Variants in FAM13A observed in about 807,000 individuals in gnomAD.
FAM13A encodes protein FAM13A.
In FAM13A, 76 loss-of-function variants were observed where a neutral mutation model predicts 129.6. The ratio of observed to expected loss-of-function variants is 0.59; its 90% confidence interval spans 0.49 to 0.71. The LOEUF is 0.71. Ranked by LOEUF, FAM13A falls within the 30% of genes least tolerant of loss-of-function variation. FAM13A has a pLI of 0.00. For missense variants in FAM13A, 1,108 were observed against 1,249.3 expected (o/e 0.89, Z 1.70); for synonymous variants, 443 against 449.9 (o/e 0.98, Z 0.20).
intron 4 of FAM13A, among the ~76,000 whole-genome samples, chr4:88,975,765 A>G (rs1461687233): frequency 1.3e-5 from 2 of 152,240 alleles, no homozygotes; most frequent in African/African-American, 4.8e-5. Flanking sequence ...CATGGGCCAC[A>G]TCAAGGCAAA....
At chr4:88,913,155 AGGAGGAGGAAGAAGAAGAGGAAGAAGT>A (rs1749395908) in intron 5 of FAM13A, among the ~76,000 whole-genome samples, 1 of 147,462 alleles carries the variant, frequency 6.8e-6, no homozygotes, top group Non-Finnish European at 1.5e-5. Flanking sequence ...GAAGAAGAGG[AGGAGGAGGAAGAAGAAGAGGAAGAAGT>A]GGAGGAGGAA....
intron 2 of FAM13A, among the ~76,000 whole-genome samples, chr4:89,022,966 G>A (rs1018569111): frequency 6.6e-5 from 10 of 152,158 alleles, no homozygotes; most frequent in African/African-American, 2.4e-4. Flanking sequence ...TGAAGCCTTG[G>A]CTGACACCAT....
At chr4:88,850,284 G>A (rs919517840) in intron 7 of FAM13A, among the ~76,000 whole-genome samples, 1 of 152,148 alleles carries the variant, frequency 6.6e-6, no homozygotes, top group Non-Finnish European at 1.5e-5. Context: ...GCCGGGCGTG[G>A]TGGCTCATGC....
intron 3 of FAM13A, 117 bp from the exon 4 acceptor site, chr4:88,991,267 GATA>G: frequency 2.9e-6 from 2 of 691,808 alleles, no homozygotes; most frequent in Non-Finnish European, 4.7e-6. Flanking sequence ...GAGAGACTGA[GATA>G]GGCCTTGTGT....
intron 7 of FAM13A, 151 bp from the exon 8 acceptor site, chr4:88,805,203 G>C (rs1383274083): frequency 1.7e-6 from 1 of 593,820 alleles, no homozygotes; most frequent in Non-Finnish European, 3.0e-6. Context: ...GATCCACCTC[G>C]GACCTAGCCA....
chr4:89,006,921 C>G (rs932312956), intron 3 of FAM13A, among the ~76,000 whole-genome samples: 1 of 152,138 alleles, frequency 6.6e-6, no homozygotes, highest in Non-Finnish European at 1.5e-5. Context: ...CTTCTCCTCT[C>G]GACATTCAAC....
intron 14 of FAM13A, among the ~76,000 whole-genome samples, chr4:88,750,867 C>G (rs1160273450): frequency 6.6e-6 from 1 of 152,186 alleles, no homozygotes; most frequent in Non-Finnish European, 1.5e-5. Context: ...CACTGGCTTT[C>G]CAAAGAGAAT....
In FAM13A at chr4:88,800,798, C is replaced by T. The variant is rs1727304285; in HGVS notation, c.1049+4213G>A. On this transcript the variant is annotated intron_variant, in intron 8 of 23. Transcript: ENST00000264344. ...GTTGTGTCTAAAGACATCCAGATAC[C>T]TAGCTGACTTTATCATCTTGCTAAA... 1.3e-5 allele frequency among the ~76,000 whole-genome samples: 2 copies of T among 151,568 alleles called. 1 individual carries two copies. The highest frequency in any genetic ancestry group is 3.9e-4 in the East Asian group (2 of 5,164).
rs116584477 is a variant in FAM13A at position 88,749,782 on chromosome 4, T to C, written c.2068A>G (p.Lys690Glu). 3.7e-5 allele frequency: 60 copies of C among 1,614,144 alleles called. No homozygotes were observed. The Middle Eastern group carries it at 8.2e-4, about 22-fold the overall frequency. The change falls in exon 16 of 24, where the codon AAG becomes GAG. Residue 690 changes from lysine to glutamate, a missense_variant. By Grantham distance (56) the Lys-to-Glu change is moderately conservative. Coordinates refer to ENST00000264344, the MANE Select transcript of FAM13A (RefSeq NM_014883.4). ...GAGGGGACACTTACTCTGTACTTCT[T>C]CTCTTCTTCGAATCTATCTTCAAAC... is the stretch of plus-strand genomic sequence containing the variant. ...RKFEDRFEEE[K>E]KYRPSHSDKA...
chr4:88,848,306 T>C (rs1241940263), intron 7 of FAM13A, among the ~76,000 whole-genome samples: 2 of 152,218 alleles, frequency 1.3e-5, no homozygotes, highest in African/African-American at 4.8e-5. Context: ...ACACAAGATA[T>C]GGCCAGCTGG....
rs559618489 is a variant in FAM13A at position 88,875,340 on chromosome 4, C to T, written c.844-24157G>A. ...TCTGCAAAGCAAAAGAAACTATCAT[C>T]AGAGTGAACAGGCAACCTACAGAAT... is the stretch of plus-strand genomic sequence containing the variant. On this transcript the variant is annotated intron_variant, in intron 6 of 23. Transcript: ENST00000264344. Among the ~76,000 whole-genome samples, 8 of 152,330 alleles carry T rather than the reference C, an allele frequency of 5.3e-5. No individual in the cohort carries two copies. In the East Asian group the frequency reaches 1.3e-3, roughly 26 times the overall value.
At chr4:89,001,287 A>G (rs1160762236) in intron 3 of FAM13A, among the ~76,000 whole-genome samples, 1 of 152,188 alleles carries the variant, frequency 6.6e-6, no homozygotes, top group Non-Finnish European at 1.5e-5. Flanking sequence ...CTGCCACCAG[A>G]TTTCCAATTT....
chr4:88,868,559 G>C (rs1323611984), intron 6 of FAM13A, among the ~76,000 whole-genome samples: 1 of 152,068 alleles, frequency 6.6e-6, no homozygotes, highest in Non-Finnish European at 1.5e-5. Context: ...AAACTGTTCA[G>C]TGGCTTTTCA....
intron 3 of FAM13A, among the ~76,000 whole-genome samples, chr4:89,003,589 C>CA (rs926726403): frequency 1.9e-4 from 29 of 151,870 alleles, no homozygotes; most frequent in African/African-American, 7.0e-4. Context: ...GCTGGAATCC[C>CA]ACACCACTGC....
rs1278760984 is a variant in FAM13A, at chr4:89,029,540, T to C, written c.137A>G (p.Gln46Arg). 2 of 1,597,646 alleles carry C rather than the reference T, an allele frequency of 1.3e-6. No homozygotes were observed. Among genetic ancestry groups the C allele is most frequent in the South Asian group, 1.1e-5 (1 of 88,296 alleles). Residue 46 changes from glutamine to arginine, a missense_variant, in exon 2 of 24, where the codon CAA becomes CGA. Gln to Arg is a conservative substitution (Grantham distance 43). This residue lies in a region of FAM13A where 566 missense variants were observed against 595.7 expected (regional missense o/e 0.95). Coordinates refer to ENST00000264344, the MANE Select transcript of FAM13A (RefSeq NM_014883.4). The part of the protein sequence containing the change: ...TYQKLFGVSL[Q>R]ELERQGLTEN... Reference sequence around the variant, plus strand: ...GGTGAGCCCCTGCCGTTCAAGTTCTTGGAGACTGACTCCAAATAACTTCTG... The same window carrying C: ...GGTGAGCCCCTGCCGTTCAAGTTCTCGGAGACTGACTCCAAATAACTTCTG...
At chr4:88,994,630 A>G (rs1763306455) in intron 3 of FAM13A, among the ~76,000 whole-genome samples, 1 of 152,108 alleles carries the variant, frequency 6.6e-6, no homozygotes, top group Admixed American at 6.5e-5. Flanking sequence ...GCTTCAGCCC[A>G]GGAGTTTGAG....
intron 13 of FAM13A, 83 bp from the exon 14 acceptor site, chr4:88,758,984 T>A: frequency 7.0e-7 from 1 of 1,432,804 alleles, no homozygotes; most frequent in East Asian, 2.3e-5. Flanking sequence ...TCCTTCAGGA[T>A]AAAACCTTCC....
intron 6 of FAM13A, among the ~76,000 whole-genome samples, chr4:88,882,617 G>A (rs745842788): frequency 6.6e-6 from 1 of 151,132 alleles, no homozygotes; most frequent in South Asian, 2.1e-4. Context: ...AAAAAACAAG[G>A]TCTTCAGGCA....
At chr4:88,942,899 T>C (rs1050652356) in intron 4 of FAM13A, among the ~76,000 whole-genome samples, 4 of 152,202 alleles carry the variant, frequency 2.6e-5, no homozygotes, top group African/African-American at 9.7e-5. Context: ...AGTATTTATC[T>C]GCTCTTAGTA....
Sources: allele counts gnomAD v4.1 joint callset (sites outside exome capture counted in the v4.1 genomes callset), GRCh38; gene constraint gnomAD v4.1.1; regional missense constraint gnomAD v4.1.1; transcripts MANE v1.5; gene names NCBI Gene and HGNC (gene_info 2026-07-23, HGNC 2026-07-21).